Variants in PTK2 observed in about 807,000 individuals in gnomAD.
The protein encoded by PTK2 is protein tyrosine kinase 2.
In PTK2, 45 loss-of-function variants were observed where a neutral mutation model predicts 150.1. That is an observed-to-expected ratio of 0.30 (90% confidence interval 0.24 to 0.38). The LOEUF (loss-of-function observed/expected upper bound fraction) is 0.38, where lower values mean the gene tolerates loss of function less well. Ranked by LOEUF, PTK2 falls within the 10% of genes least tolerant of loss-of-function variation. The pLI is 1.00. For synonymous variants in PTK2, 432 were observed against 449.2 expected (o/e 0.96, Z 0.48); for missense variants, 919 against 1,307.3 (o/e 0.70, Z 4.58).
intron 16 of PTK2, among the ~76,000 whole-genome samples, chr8:140,759,551 A>G (rs369233675): frequency 2.7e-4 from 40 of 150,566 alleles, no homozygotes; most frequent in East Asian, 1.8e-3. Flanking sequence ...AAAAAAAAAA[A>G]AAAGAAAGAA....
intron 1 of PTK2, among the ~76,000 whole-genome samples, chr8:140,980,752 C>CTT (rs565678002): frequency 3.2e-4 from 44 of 138,932 alleles, no homozygotes; most frequent in African/African-American, 4.7e-4. Context: ...GGCTCTAAAG[C>CTT]TTTTTTTTTT....
chr8:140,890,451 A>C (rs1370132395), intron 3 of PTK2, 92 bp downstream of exon 3: 4 of 1,097,188 alleles, frequency 3.6e-6, no homozygotes, highest in Non-Finnish European at 5.2e-6. Flanking sequence ...CGATAAGTTA[A>C]ATAAAAATTA....
chr8:140,960,517 C>T (rs2100182768), intron 1 of PTK2, among the ~76,000 whole-genome samples: 1 of 151,790 alleles, frequency 6.6e-6, no homozygotes, highest in Admixed American at 6.6e-5. Flanking sequence ...CCATTTTAAC[C>T]CTTAAAAAAA....
chr8:140,818,243 A>G, intron 10 of PTK2, 34 bp downstream of exon 10: 1 of 1,551,362 alleles, frequency 6.4e-7, no homozygotes. Flanking sequence ...TCTTTGTGTA[A>G]CGCCAAGTTC....
chr8:140,895,343 G>GT (rs2100155735), intron 2 of PTK2, among the ~76,000 whole-genome samples: 1 of 151,940 alleles, frequency 6.6e-6, no homozygotes, highest in Admixed American at 6.6e-5. Context: ...GCCTGGGCTT[G>GT]TGAGACCCCT....
At chr8:140,683,311 G>A (rs567417283) in intron 27 of PTK2, among the ~76,000 whole-genome samples, 3 of 152,222 alleles carry the variant, frequency 2.0e-5, no homozygotes, top group Admixed American at 1.3e-4. Context: ...GGAAGAAAGC[G>A]AATCCCTGAA....
At chr8:140,945,530 A>G (rs372111802) in intron 1 of PTK2, among the ~76,000 whole-genome samples, 51 of 152,260 alleles carry the variant, frequency 3.3e-4, no homozygotes, top group African/African-American at 1.2e-3. Flanking sequence ...AGGTTACAGT[A>G]AGCTATGAAC....
chr8:140,809,259 T>A (rs2100100022), intron 10 of PTK2, among the ~76,000 whole-genome samples: 1 of 151,906 alleles, frequency 6.6e-6, no homozygotes, highest in Non-Finnish European at 1.5e-5. Context: ...TCAATGAAAA[T>A]GAATAGTACT....
At chr8:140,786,245 C>T (rs4507813) in intron 14 of PTK2, among the ~76,000 whole-genome samples, 85,862 of 152,036 alleles carry the variant, frequency 0.56, 26,083 homozygotes, top group African/African-American at 0.79. Flanking sequence ...ATACAGTTGA[C>T]TGCAGCCTCA....
intron 17 of PTK2, chr8:140,751,877 G>A (rs772458204): frequency 9.5e-6 from 5 of 525,112 alleles, no homozygotes; most frequent in Admixed American, 1.9e-5. Context: ...CTCCATCAGG[G>A]CAGGGACTGT....
intron 3 of PTK2, among the ~76,000 whole-genome samples, chr8:140,885,168 G>C (rs528140698): frequency 6.6e-6 from 1 of 152,330 alleles, no homozygotes; most frequent in South Asian, 2.1e-4. Context: ...GCTAGGTACA[G>C]AGATATCAGT....
intron 22 of PTK2, among the ~76,000 whole-genome samples, chr8:140,722,084 G>C (rs1188497112): frequency 2.0e-5 from 3 of 152,190 alleles, no homozygotes; most frequent in African/African-American, 7.2e-5. Flanking sequence ...CAGTGGAGCA[G>C]GTCTACTGAC....
intron 3 of PTK2, among the ~76,000 whole-genome samples, chr8:140,880,975 C>A (rs976967369): frequency 5.9e-5 from 9 of 151,972 alleles, no homozygotes; most frequent in Non-Finnish European, 8.8e-5. Context: ...CAGGAAGTGG[C>A]AGAGAGAGGG....
At chr8:140,770,970 TAAAAAACATACTAA>T (rs2100075157) in intron 14 of PTK2, 171 bp from the exon 15 acceptor site, 1 of 204,570 alleles carries the variant, frequency 4.9e-6, no homozygotes, top group Non-Finnish European at 1.0e-5. Context: ...ACTTGAGTTT[TAAAAAACATACTAA>T]TATTTTTAAA....
At chr8:140,971,273 T>C (rs1225955087) in intron 1 of PTK2, among the ~76,000 whole-genome samples, 1 of 152,180 alleles carries the variant, frequency 6.6e-6, no homozygotes, top group Non-Finnish European at 1.5e-5. Flanking sequence ...ATTATGAAAG[T>C]ATTATGGTTA....
chr8:140,985,230 A>AC (rs903618123), intron 1 of PTK2, among the ~76,000 whole-genome samples: 1 of 151,534 alleles, frequency 6.6e-6, no homozygotes, highest in African/African-American at 2.4e-5. Flanking sequence ...CTCAAGCAAT[A>AC]CTCCCACCTC....
At chr8:140,770,842 A>G in intron 14 of PTK2, 43 bp from the exon 15 acceptor site, 1 of 1,016,904 alleles carries the variant, frequency 9.8e-7, no homozygotes, top group Non-Finnish European at 1.3e-6. Flanking sequence ...ATAGAAACAA[A>G]TTATTTCAAT....
At chr8:140,960,304 T>G (rs1286511182) in intron 1 of PTK2, among the ~76,000 whole-genome samples, 1 of 72 alleles carries the variant, frequency 0.014, no homozygotes, top group African/African-American at 0.042. Context: ...GTTCAAGCAA[T>G]TCTCCTGCTC....
At chr8:140,743,931 C>T (rs1397313125) in intron 19 of PTK2, among the ~76,000 whole-genome samples, 1 of 151,854 alleles carries the variant, frequency 6.6e-6, no homozygotes, top group African/African-American at 2.4e-5. Context: ...GCGCCCGCCA[C>T]CATGCCCAGC....
Sources: allele counts gnomAD v4.1 joint callset (sites outside exome capture counted in the v4.1 genomes callset), GRCh38; gene constraint gnomAD v4.1.1; transcripts MANE v1.5; gene names NCBI Gene and HGNC (gene_info 2026-07-23, HGNC 2026-07-21).